INPP4B: variants seen among roughly 807,000 people sequenced by gnomAD.
The protein encoded by INPP4B is inositol polyphosphate-4-phosphatase type II B, also known as inositol polyphosphate 4-phosphatase type II.
A neutral mutation model predicts 122.5 loss-of-function variants in INPP4B; 55 were observed. The observed-to-expected ratio is 0.45, with a 90% CI of 0.36 to 0.56. The LOEUF is 0.56. Among genes scored for constraint, INPP4B ranks in the 20% least tolerant of loss-of-function variants. The pLI, the probability that INPP4B is intolerant of heterozygous loss-of-function variation, is 0.00. For synonymous variants in INPP4B, 403 were observed against 388.7 expected (o/e 1.04, Z -0.43); for missense variants, 1,000 against 1,097.7 (o/e 0.91, Z 1.26).
chr4:142,173,237 G>A (rs1826421849), intron 16 of INPP4B, among the ~76,000 whole-genome samples: 3 of 151,920 alleles, frequency 2.0e-5, no homozygotes. Flanking sequence ...GCCTTCAAAT[G>A]AAGTGGCATT....
At chr4:142,207,395 T>C (rs1843002583) in intron 14 of INPP4B, among the ~76,000 whole-genome samples, 1 of 152,166 alleles carries the variant, frequency 6.6e-6, no homozygotes, top group South Asian at 2.1e-4. Context: ...TATACCAGTT[T>C]ACATTTTCAC....
intron 1 of INPP4B, among the ~76,000 whole-genome samples, chr4:142,804,685 G>A (rs1283087953): frequency 2.0e-5 from 3 of 151,976 alleles, no homozygotes; most frequent in Non-Finnish European, 4.4e-5. Flanking sequence ...TTTGTTTTTT[G>A]AGACATGGTC....
chr4:142,285,729 T>G (rs1223636131), intron 9 of INPP4B, among the ~76,000 whole-genome samples: 1 of 151,880 alleles, frequency 6.6e-6, no homozygotes, highest in Non-Finnish European at 1.5e-5. Flanking sequence ...GAGTAGGATG[T>G]GGACAGAGAG....
At chr4:142,348,678 A>C (rs532367458) in intron 7 of INPP4B, among the ~76,000 whole-genome samples, 1 of 152,204 alleles carries the variant, frequency 6.6e-6, no homozygotes, top group South Asian at 2.1e-4. Flanking sequence ...CCAAGGCTGC[A>C]AACTAGAACA....
At chr4:142,429,297 T>C (rs1167011719) in intron 4 of INPP4B, 80 bp from the exon 5 acceptor site, 2 of 732,048 alleles carry the variant, frequency 2.7e-6, no homozygotes, top group African/African-American at 3.7e-5. Flanking sequence ...CTATGCTTCA[T>C]TGTGACCAGA....
chr4:142,259,653 T>C (rs552488738), intron 11 of INPP4B, among the ~76,000 whole-genome samples: 3 of 151,846 alleles, frequency 2.0e-5, no homozygotes, highest in African/African-American at 7.2e-5. Flanking sequence ...TATACACTTT[T>C]AAATTTTCTT....
At chr4:142,532,720 G>A (rs1382808956) in intron 2 of INPP4B, among the ~76,000 whole-genome samples, 4 of 152,184 alleles carry the variant, frequency 2.6e-5, no homozygotes, top group African/African-American at 9.6e-5. Context: ...AGAAGAATGA[G>A]TATAAAAATG....
At chr4:142,783,718 G>T (rs1044147962) in intron 1 of INPP4B, among the ~76,000 whole-genome samples, 1 of 152,036 alleles carries the variant, frequency 6.6e-6, no homozygotes, top group East Asian at 1.9e-4. Context: ...GCATTAAAAA[G>T]AATAGAGAGT....
chr4:142,279,529 T>A (rs1750193016), intron 9 of INPP4B, among the ~76,000 whole-genome samples: 1 of 145,108 alleles, frequency 6.9e-6, no homozygotes, highest in Admixed American at 6.8e-5. Context: ...ATTGGAACAA[T>A]TAAACATCCA....
intron 2 of INPP4B, among the ~76,000 whole-genome samples, chr4:142,631,976 A>T (rs1190188121): frequency 6.6e-6 from 1 of 152,160 alleles, no homozygotes; most frequent in East Asian, 1.9e-4. Flanking sequence ...CCCAGACCCA[A>T]GGGTTATATA....
At position 142,788,573 on chromosome 4, in the gene INPP4B, G is replaced by C. The variant is rs538840621; in HGVS notation, c.-254+57636C>G. 3.3e-5 allele frequency among the ~76,000 whole-genome samples: 5 copies of C among 152,158 alleles called. No homozygotes were observed. The South Asian group carries it at 1.0e-3, about 32-fold the overall frequency. ...AGATTTTGGTGCACCCATCACCCAAGCAGTATACACTGCACACAATTTGTA... is the reference window on the plus strand; with the variant it reads ...AGATTTTGGTGCACCCATCACCCAACCAGTATACACTGCACACAATTTGTA... On this transcript the variant is annotated intron_variant, in intron 1 of 25. Coordinates refer to ENST00000262992, the MANE Select transcript of INPP4B (RefSeq NM_001101669.3).
intron 2 of INPP4B, among the ~76,000 whole-genome samples, chr4:142,670,658 C>A (rs12509465): frequency 8.7e-4 from 133 of 152,036 alleles, no homozygotes; most frequent in African/African-American, 3.0e-3. Flanking sequence ...TGGTTTGGGG[C>A]TGGGATTGGG....
intron 5 of INPP4B, among the ~76,000 whole-genome samples, chr4:142,422,673 C>T (rs1807193216): frequency 6.6e-6 from 1 of 151,990 alleles, no homozygotes; most frequent in East Asian, 1.9e-4. Flanking sequence ...ACTAGCCAGG[C>T]ATGGTCATGT....
At chr4:142,668,903 A>T (rs1442794229) in intron 2 of INPP4B, among the ~76,000 whole-genome samples, 2 of 151,766 alleles carry the variant, frequency 1.3e-5, no homozygotes, top group Non-Finnish European at 2.9e-5. Context: ...CAAAAAAAAA[A>T]AATTAGCCGG....
intron 25 of INPP4B, among the ~76,000 whole-genome samples, chr4:142,052,309 C>G (rs770694121): frequency 5.9e-5 from 9 of 151,828 alleles, no homozygotes; most frequent in Non-Finnish European, 7.4e-5. Flanking sequence ...AAGAGAAATG[C>G]TATTGCTCTT....
chr4:142,764,961 T>C (rs1771890867), intron 1 of INPP4B, among the ~76,000 whole-genome samples: 1 of 152,084 alleles, frequency 6.6e-6, no homozygotes, highest in South Asian at 2.1e-4. Flanking sequence ...GAGTAAATAA[T>C]CTACTCTGGG....
At chr4:142,286,339 T>C (rs895235169) in intron 9 of INPP4B, among the ~76,000 whole-genome samples, 5 of 152,166 alleles carry the variant, frequency 3.3e-5, no homozygotes, top group African/African-American at 1.2e-4. Context: ...CATCTCTAAA[T>C]AAAAGAATCC....
chr4:142,090,292 G>GGT (rs1325063916), intron 23 of INPP4B, among the ~76,000 whole-genome samples: 7 of 42,678 alleles, frequency 1.6e-4, no homozygotes, highest in African/African-American at 2.8e-4. Flanking sequence ...AAGTAATTTT[G>GGT]ATTTTTTTTT....
chr4:142,256,652 C>A (rs898385742), intron 11 of INPP4B, among the ~76,000 whole-genome samples: 27 of 152,168 alleles, frequency 1.8e-4, no homozygotes, highest in African/African-American at 5.8e-4. Context: ...AAGACTAAAC[C>A]AGGAAGAAGT....
Sources: allele counts gnomAD v4.1 joint callset (sites outside exome capture counted in the v4.1 genomes callset), GRCh38; gene constraint gnomAD v4.1.1; transcripts MANE v1.5; gene names NCBI Gene and HGNC (gene_info 2026-07-23, HGNC 2026-07-21).